The following TNN variants were observed in gnomAD, a reference collection of about 807,000 sequenced individuals.
The protein encoded by TNN is tenascin-N.
TNN carries 122 observed loss-of-function variants against 134.4 expected under a neutral mutation model. The ratio of observed to expected loss-of-function variants is 0.91; its 90% CI spans 0.78 to 1.06. TNN has a LOEUF of 1.06. TNN is among the 50% of genes least tolerant of loss of function. The pLI, the probability that TNN is intolerant of heterozygous loss-of-function variation, is 0.00. For synonymous variants in TNN, 710 were observed against 670.3 expected, an observed-to-expected ratio of 1.06 and a Z score of -0.91; for missense variants, 1,739 against 1,699.4, an observed-to-expected ratio of 1.02 and a Z score of -0.41.
At chr1:175,091,186 C>T (rs564186131) in intron 6 of TNN, among the ~76,000 whole-genome samples, 31 of 152,326 alleles carry the variant, frequency 2.0e-4, no homozygotes, top group Admixed American at 7.2e-4. Flanking sequence ...TGATCCCCAT[C>T]GGGGGAATGG....
At chr1:175,102,906 T>C in intron 9 of TNN, among the ~76,000 whole-genome samples, 1 of 145,864 alleles carries the variant, frequency 6.9e-6, no homozygotes. Flanking sequence ...CTGTTGGCAA[T>C]TTGGCCGATG....
At chr1:175,128,863 G>C in intron 15 of TNN, 117 bp downstream of exon 15, 1 of 1,179,754 alleles carries the variant, frequency 8.5e-7, no homozygotes, top group Non-Finnish European at 1.1e-6. Context: ...ACCCATGGAA[G>C]AGAGGAGTTT....
chr1:175,129,669 T>C (rs1405042979), intron 15 of TNN, among the ~76,000 whole-genome samples: 1 of 152,016 alleles, frequency 6.6e-6, no homozygotes, highest in Non-Finnish European at 1.5e-5. Context: ...ATAGGGACAG[T>C]GAGTCCCACA....
Position 175,116,946 on chromosome 1 carries a change from C to T in TNN, c.2127C>T (p.Asp709=). The T allele has an allele frequency of 6.2e-7, 1 of 1,614,158 alleles. No homozygotes were observed. The highest frequency in any genetic ancestry group is 8.5e-7 in the Non-Finnish European group (1 of 1,180,020). ...KADTKAQTDI[D]SPQNLVTDRV... ...AGCAATTTTTTTTTTCAGACATTGA[C>T]AGCCCCCAAAACCTGGTGACCGACC... The change falls in exon 10 of 19, where the codon GAC becomes GAT. Residue 709 remains aspartate, a synonymous_variant. Transcript: ENST00000239462.
At chr1:175,100,493 A>G (rs568353006) in intron 9 of TNN, among the ~76,000 whole-genome samples, 64 of 152,302 alleles carry the variant, frequency 4.2e-4, no homozygotes, top group African/African-American at 8.4e-4. Context: ...GGCTTCTCCA[A>G]TGTCTTTTAT....
chr1:175,068,552 G>A (rs550413844), intron 1 of TNN, among the ~76,000 whole-genome samples: 6 of 152,120 alleles, frequency 3.9e-5, no homozygotes, highest in Non-Finnish European at 8.8e-5. Flanking sequence ...AACTTCTCTC[G>A]AAATCCCCAT....
At chr1:175,139,366 A>T (rs1675892887) in intron 17 of TNN, among the ~76,000 whole-genome samples, 1 of 151,650 alleles carries the variant, frequency 6.6e-6, no homozygotes, top group South Asian at 2.1e-4. Context: ...TTTTTTTTCT[A>T]TTTAAACATT....
intron 1 of TNN, among the ~76,000 whole-genome samples, chr1:175,070,663 G>A (rs899308927): frequency 1.3e-5 from 2 of 152,150 alleles, no homozygotes; most frequent in African/African-American, 4.8e-5. Context: ...ACAGAGACTA[G>A]AAATAAAAAT....
rs535428816 is a variant in TNN at position 175,091,814 on chromosome 1, T to C, written c.1325-2176T>C. Among the ~76,000 whole-genome samples, 5 of 152,276 alleles carry C rather than the reference T, an allele frequency of 3.3e-5. No homozygotes were observed. The East Asian group carries it at 5.8e-4, about 18-fold the overall frequency. Reference sequence around the variant, plus strand: ...CATGTTGGCCAGGCTAGTCTCGAACTCCTGGCCTCAAGTGATCCACCCAGC... The same window carrying C: ...CATGTTGGCCAGGCTAGTCTCGAACCCCTGGCCTCAAGTGATCCACCCAGC... On this transcript the variant is annotated intron_variant, in intron 6 of 18. Transcript: ENST00000239462.
chr1:175,111,849 C>T (rs1042294143), intron 9 of TNN, among the ~76,000 whole-genome samples: 2 of 149,970 alleles, frequency 1.3e-5, no homozygotes, highest in East Asian at 3.9e-4. Context: ...AATTTTGTAT[C>T]GTGAAACTTT....
chr1:175,125,675 C>T (rs1242549399), intron 12 of TNN, among the ~76,000 whole-genome samples: 1 of 107,600 alleles, frequency 9.3e-6, no homozygotes, highest in East Asian at 2.5e-4. Flanking sequence ...CTCTCCCTCC[C>T]TCCCTCCTTT....
chr1:175,147,042 A>G lies in TNN; in HGVS notation c.3871A>G (p.Thr1291Ala), dbSNP rs201479323. Residue 1291 changes from threonine (T) to alanine (A), a missense_variant, in exon 19 of 19, where the codon ACG becomes GCG. Thr to Ala is a moderately conservative substitution (Grantham distance 58). Coordinates refer to ENST00000239462, the MANE Select transcript of TNN (RefSeq NM_022093.2). ...REPVLGRKKR[T>A]LRGRLRTF ...GCCTGTCCTGGGCAGAAAGAAGCGGACGCTGAGAGGAAGGCTGCGAACGTT... is the reference window on the plus strand; with the variant it reads ...GCCTGTCCTGGGCAGAAAGAAGCGGGCGCTGAGAGGAAGGCTGCGAACGTT... The G allele has an allele frequency of 1.3e-6, 2 of 1,591,692 alleles. No homozygotes were observed. The highest frequency in any genetic ancestry group is 2.2e-5 in the East Asian group (1 of 44,552).
At chr1:175,132,898 G>A (rs1028518875) in intron 15 of TNN, among the ~76,000 whole-genome samples, 4 of 152,136 alleles carry the variant, frequency 2.6e-5, no homozygotes, top group Non-Finnish European at 5.9e-5. Context: ...CTCTCTTCCC[G>A]GAGAAAAATA....
chr1:175,127,919 C>G (rs1332543074), intron 13 of TNN, 113 bp from the exon 14 acceptor site: 1 of 1,312,220 alleles, frequency 7.6e-7, no homozygotes, highest in Non-Finnish European at 1.1e-6. Context: ...AGACAAAACA[C>G]TGTGCTCTCA....
At chr1:175,101,633 C>G (rs919484417) in intron 9 of TNN, among the ~76,000 whole-genome samples, 1 of 148,978 alleles carries the variant, frequency 6.7e-6, no homozygotes, top group African/African-American at 2.4e-5. Flanking sequence ...CAAAGGTTCT[C>G]CACGTCCCCA....
At chr1:175,079,222 C>T in intron 2 of TNN, 111 bp from the exon 3 acceptor site, 2 of 1,334,942 alleles carry the variant, frequency 1.5e-6, no homozygotes, top group Non-Finnish European at 2.0e-6. Flanking sequence ...ATCACCAGAC[C>T]CTTAAGAGTG....
intron 7 of TNN, among the ~76,000 whole-genome samples, chr1:175,095,574 G>T (rs879618819): frequency 5.3e-5 from 8 of 152,116 alleles, no homozygotes; most frequent in Admixed American, 5.2e-4. Flanking sequence ...TTGTTTGTTT[G>T]TTTGTTTTGT....
intron 15 of TNN, among the ~76,000 whole-genome samples, chr1:175,135,336 T>G (rs1675771342): frequency 6.6e-6 from 1 of 152,214 alleles, no homozygotes; most frequent in Non-Finnish European, 1.5e-5. Context: ...TAGTAGATGC[T>G]CAGTAAATAT....
At chr1:175,072,601 G>A (rs1046876449) in intron 1 of TNN, among the ~76,000 whole-genome samples, 1 of 152,146 alleles carries the variant, frequency 6.6e-6, no homozygotes, top group African/African-American at 2.4e-5. Flanking sequence ...TGTTAAACAA[G>A]GAGTCTCTTT....
Sources: allele counts gnomAD v4.1 joint callset (sites outside exome capture counted in the v4.1 genomes callset), GRCh38; gene constraint gnomAD v4.1.1; transcripts MANE v1.5; gene names NCBI Gene and HGNC (gene_info 2026-07-23, HGNC 2026-07-21).